The following DOCK3 variants were observed in gnomAD, a reference collection of about 807,000 sequenced individuals.
The protein encoded by DOCK3 is dedicator of cytokinesis 3, also known as dedicator of cytokinesis protein 3.
A neutral mutation model predicts 265.6 loss-of-function variants in DOCK3; 60 were observed. The ratio of observed to expected loss-of-function variants is 0.23; its 90% CI spans 0.18 to 0.28. The LOEUF (loss-of-function observed/expected upper bound fraction) is 0.28, where lower values mean the gene tolerates loss of function less well. Among genes scored for constraint, DOCK3 ranks in the 10% least tolerant of loss-of-function variants. The pLI, the probability that DOCK3 is intolerant of heterozygous loss-of-function variation, is 1.00. For synonymous variants in DOCK3, 881 were observed against 938.0 expected, an observed-to-expected ratio of 0.94 and a Z score of 1.11; for missense variants, 1,981 against 2,594.3, an observed-to-expected ratio of 0.76 and a Z score of 5.14.
At chr3:51,024,388 G>A (rs1449801729) in intron 5 of DOCK3, among the ~76,000 whole-genome samples, 1 of 152,178 alleles carries the variant, frequency 6.6e-6, no homozygotes, top group Non-Finnish European at 1.5e-5. Context: ...GTATCCCTGG[G>A]TAGTCACTGG....
intron 5 of DOCK3, among the ~76,000 whole-genome samples, chr3:51,054,121 T>TAAAAAAAAAAAAAAA (rs35733959): frequency 1.2e-5 from 1 of 85,012 alleles, no homozygotes; most frequent in Non-Finnish European, 2.3e-5. Flanking sequence ...CGTAGCTTCC[T>TAAAAAAAAAAAAAAA]AAAAAAAAAA....
intron 5 of DOCK3, among the ~76,000 whole-genome samples, chr3:50,957,247 A>G (rs1297211169): frequency 1.3e-5 from 2 of 152,252 alleles, no homozygotes; most frequent in Non-Finnish European, 2.9e-5. Context: ...CTAAATACAG[A>G]AACAATAGTT....
intron 5 of DOCK3, among the ~76,000 whole-genome samples, chr3:50,969,810 A>G (rs1249593981): frequency 2.0e-5 from 3 of 152,138 alleles, no homozygotes; most frequent in Non-Finnish European, 2.9e-5. Flanking sequence ...AGTGGCTTAC[A>G]CCTGTAATCC....
At chr3:51,191,420 A>T (rs1267951818) in intron 12 of DOCK3, among the ~76,000 whole-genome samples, 1 of 152,090 alleles carries the variant, frequency 6.6e-6, no homozygotes, top group African/African-American at 2.4e-5. Flanking sequence ...GAAGACTGGG[A>T]ATGCTCACAA....
At chr3:50,912,280 C>G (rs1221934857) in intron 4 of DOCK3, among the ~76,000 whole-genome samples, 2 of 152,042 alleles carry the variant, frequency 1.3e-5, no homozygotes, top group African/African-American at 2.4e-5. Context: ...TTTTTCCTTA[C>G]TTTCTCCCAA....
chr3:50,828,784 G>A (rs1050994074), intron 2 of DOCK3, among the ~76,000 whole-genome samples: 1 of 151,974 alleles, frequency 6.6e-6, no homozygotes, highest in Non-Finnish European at 1.5e-5. Flanking sequence ...TGCCATCTCG[G>A]CTTACTGCAA....
At chr3:50,938,825 C>T (rs1465713852) in intron 5 of DOCK3, among the ~76,000 whole-genome samples, 1 of 151,490 alleles carries the variant, frequency 6.6e-6, no homozygotes, top group Non-Finnish European at 1.5e-5. Flanking sequence ...ATGATTGCAG[C>T]TCCTGCTCTA....
chr3:51,259,195 G>A (rs561135094), intron 22 of DOCK3, among the ~76,000 whole-genome samples: 2 of 152,202 alleles, frequency 1.3e-5, no homozygotes, highest in Non-Finnish European at 2.9e-5. Context: ...GCATTCCCCA[G>A]TGCCAACTGA....
intron 1 of DOCK3, among the ~76,000 whole-genome samples, chr3:50,715,688 A>G (rs189613044): frequency 1.3e-5 from 2 of 152,306 alleles, no homozygotes; most frequent in South Asian, 2.1e-4. Context: ...ACAGGCCATT[A>G]GGCAGCTGAC....
intron 2 of DOCK3, among the ~76,000 whole-genome samples, chr3:50,799,121 A>G (rs759438444): frequency 1.2e-4 from 19 of 152,006 alleles, no homozygotes; most frequent in African/African-American, 4.6e-4. Context: ...TTTGGTTACT[A>G]TTGCTTTGTA....
At position 50,704,037 on chromosome 3, in the gene DOCK3, G is replaced by A. The variant is rs547335380; in HGVS notation, c.37+28737G>A. 1.1e-4 allele frequency among the ~76,000 whole-genome samples: 16 copies of A among 151,998 alleles called. No homozygotes were observed. In the South Asian group the frequency reaches 2.5e-3, roughly 24 times the overall value. ...TCTTCCTAATTTCTTTATTGACCCA[G>A]TGATCATTCAGGAACATGTTGTTTA... On this transcript the variant is annotated intron_variant, in intron 1 of 52. Coordinates refer to ENST00000266037, the MANE Select transcript of DOCK3 (RefSeq NM_004947.5).
intron 5 of DOCK3, among the ~76,000 whole-genome samples, chr3:50,985,774 A>G (rs1289443588): frequency 6.6e-6 from 1 of 151,926 alleles, no homozygotes; most frequent in East Asian, 1.9e-4. Context: ...ACAGGTATGA[A>G]TGTATTTTCA....
At chr3:50,706,954 C>T (rs879704851) in intron 1 of DOCK3, among the ~76,000 whole-genome samples, 5 of 152,008 alleles carry the variant, frequency 3.3e-5, no homozygotes, top group African/African-American at 7.3e-5. Flanking sequence ...GGCTTAGCAC[C>T]ATCCCCTCAG....
intron 27 of DOCK3, among the ~76,000 whole-genome samples, chr3:51,306,987 C>T (rs139053358): frequency 1.3e-5 from 2 of 152,196 alleles, no homozygotes; most frequent in Middle Eastern, 3.2e-3. Flanking sequence ...GAAAACTGGA[C>T]ATTTTAATTA....
At chr3:50,900,501 A>G (rs1288899726) in intron 4 of DOCK3, among the ~76,000 whole-genome samples, 3 of 152,044 alleles carry the variant, frequency 2.0e-5, no homozygotes, top group African/African-American at 7.2e-5. Flanking sequence ...CTCATTCTCC[A>G]TCCAGTTTTG....
intron 1 of DOCK3, among the ~76,000 whole-genome samples, chr3:50,727,559 G>A (rs1414059382): frequency 6.6e-6 from 1 of 152,100 alleles, no homozygotes; most frequent in Non-Finnish European, 1.5e-5. Context: ...TTAGCTGGGT[G>A]TGGTGGCACG....
intron 5 of DOCK3, among the ~76,000 whole-genome samples, chr3:50,943,798 C>A (rs1050086093): frequency 1.3e-5 from 2 of 152,118 alleles, no homozygotes; most frequent in African/African-American, 2.4e-5. Flanking sequence ...TTATTCAATT[C>A]TTTGGTGGTT....
intron 3 of DOCK3, among the ~76,000 whole-genome samples, chr3:50,852,129 T>C (rs186197819): frequency 6.6e-5 from 10 of 152,334 alleles, no homozygotes; most frequent in Non-Finnish European, 1.3e-4. Flanking sequence ...CACTCACTTT[T>C]ATCAGCTGGA....
chr3:50,875,855 A>G (rs2047676301), intron 3 of DOCK3, among the ~76,000 whole-genome samples: 1 of 143,476 alleles, frequency 7.0e-6, no homozygotes, highest in South Asian at 2.2e-4. Context: ...TAATTTTTGA[A>G]TTAAAAAAAA....
Sources: allele counts gnomAD v4.1 joint callset (sites outside exome capture counted in the v4.1 genomes callset), GRCh38; gene constraint gnomAD v4.1.1; transcripts MANE v1.5; gene names NCBI Gene and HGNC (gene_info 2026-07-23, HGNC 2026-07-21).